LAMC2: variants seen among roughly 807,000 people sequenced by gnomAD.
LAMC2 encodes the protein laminin subunit gamma 2.
A neutral mutation model predicts 140.2 loss-of-function variants in LAMC2; 97 were observed. The observed-to-expected ratio is 0.69, with a 90% CI of 0.59 to 0.82. LAMC2 has a LOEUF of 0.82. LAMC2 is among the 40% of genes least tolerant of loss of function. The pLI, the probability that LAMC2 is intolerant of heterozygous loss-of-function variation, is 0.00. For missense variants in LAMC2, 1,402 were observed against 1,476.1 expected, an observed-to-expected ratio of 0.95 and a Z score of 0.82; for synonymous variants, 513 against 540.2, an observed-to-expected ratio of 0.95 and a Z score of 0.70.
chr1:183,207,057 G>GA (rs1466762497), intron 1 of LAMC2, among the ~76,000 whole-genome samples: 2 of 152,260 alleles, frequency 1.3e-5, no homozygotes, highest in Middle Eastern at 3.4e-3. Flanking sequence ...CTGTATGGAA[G>GA]AAAAAACAAG....
chr1:183,216,395 G>A (rs867208885), intron 3 of LAMC2, among the ~76,000 whole-genome samples: 24 of 152,020 alleles, frequency 1.6e-4, no homozygotes, highest in Admixed American at 5.2e-4. Flanking sequence ...TGTTAGCTCC[G>A]CCTCCCCGCC....
At chr1:183,189,417 C>A (rs1760624) in intron 1 of LAMC2, among the ~76,000 whole-genome samples, 86,730 of 151,984 alleles carry the variant, frequency 0.57, 25,491 homozygotes, top group East Asian at 0.73. Flanking sequence ...TGGAGAAACC[C>A]CACCTCTAGG....
intron 14 of LAMC2, among the ~76,000 whole-genome samples, chr1:183,233,687 T>C (rs556694935): frequency 1.7e-3 from 260 of 152,318 alleles, no homozygotes; most frequent in African/African-American, 5.5e-3. Flanking sequence ...TATATTCTAC[T>C]GGACTTTAAA....
chr1:183,216,909 A>G (rs1451125609), intron 3 of LAMC2, among the ~76,000 whole-genome samples: 2 of 152,124 alleles, frequency 1.3e-5, no homozygotes, highest in Non-Finnish European at 2.9e-5. Context: ...TAGGACTCCT[A>G]TGGAATGGGG....
At chr1:183,245,897 C>T (rs1376617417), downstream of LAMC2, among the ~76,000 whole-genome samples, 3 of 152,134 alleles carry the variant, frequency 2.0e-5, no homozygotes, top group Non-Finnish European at 1.5e-5. Context: ...AGGCTGGGCG[C>T]GGTGGCTCAT....
chr1:183,225,765 T>G, intron 8 of LAMC2, 45 bp downstream of exon 8: 1 of 1,312,422 alleles, frequency 7.6e-7, no homozygotes, highest in Non-Finnish European at 1.1e-6. Flanking sequence ...TAGGTGTTAG[T>G]TTAATTTGAT....
At chr1:183,194,500 A>G (rs1004217607) in intron 1 of LAMC2, among the ~76,000 whole-genome samples, 5 of 152,234 alleles carry the variant, frequency 3.3e-5, no homozygotes, top group Non-Finnish European at 7.3e-5. Context: ...AGGATTTAAA[A>G]AGGAAGATTT....
chr1:183,195,334 A>C (rs555240812), intron 1 of LAMC2, among the ~76,000 whole-genome samples: 1 of 152,250 alleles, frequency 6.6e-6, no homozygotes, highest in African/African-American at 2.4e-5. Flanking sequence ...TCGGTGAAAC[A>C]GGTGTCTCCT....
downstream of LAMC2, among the ~76,000 whole-genome samples, chr1:183,245,948 T>G (rs894942462): frequency 1.3e-5 from 2 of 152,136 alleles, no homozygotes; most frequent in South Asian, 4.1e-4. Flanking sequence ...AATGGGCGGA[T>G]CACGAGGTCA....
Position 183,218,468 on chromosome 1 carries a change from C to T in LAMC2, c.483C>T (p.Val161=), listed in dbSNP as rs1129723. ...DAGRCVCKPA[V]TGERCDRCRS... ...GCCGCTGTGTCTGCAAGCCAGCTGT[C>T]ACTGGAGAACGCTGTGATAGGTCTG... Residue 161 remains valine (V), a synonymous_variant, in exon 4 of 23, where the codon GTC becomes GTT. Coordinates refer to ENST00000264144, the MANE Select transcript of LAMC2 (RefSeq NM_005562.3). 0.21 allele frequency: 344,684 copies of T among 1,612,612 alleles called. 41,509 individuals carry two copies. The highest frequency in any genetic ancestry group is 0.39 in the African/African-American group (29,293 of 74,900).
At chr1:183,245,275 G>A (rs1016574681), downstream of LAMC2, among the ~76,000 whole-genome samples, 2 of 152,206 alleles carry the variant, frequency 1.3e-5, no homozygotes, top group Admixed American at 1.3e-4. Flanking sequence ...ATCTTGAATT[G>A]GTCATCTACG....
intron 7 of LAMC2, among the ~76,000 whole-genome samples, chr1:183,224,516 G>A (rs913122749): frequency 1.6e-4 from 24 of 152,238 alleles, no homozygotes; most frequent in Admixed American, 1.3e-3. Context: ...AGTTTGGGTC[G>A]GGTCCTTAAC....
chr1:183,238,340 G>A lies in LAMC2; in HGVS notation c.2788G>A (p.Ala930Thr). ...SDQLLSRANL[A>T]KSRAQEALSM... ...TCAGCTGCTTTCCCGTGCCAATCTT[G>A]CTAAAAGCAGAGCACAAGAAGCACT... The change falls in exon 19 of 23, where the codon GCT (alanine) becomes ACT (threonine). Residue 930 changes from alanine (A) to threonine (T), a missense_variant. Physicochemically the swap from Ala to Thr is moderately conservative, Grantham distance 58. Transcript: ENST00000264144. 1 of 1,614,022 alleles carries A rather than the reference G, an allele frequency of 6.2e-7. No homozygotes were observed. The highest frequency in any genetic ancestry group is 8.5e-7 in the Non-Finnish European group (1 of 1,179,946).
At chr1:183,219,782 C>A (rs921709484) in intron 4 of LAMC2, among the ~76,000 whole-genome samples, 2 of 152,148 alleles carry the variant, frequency 1.3e-5, no homozygotes, top group African/African-American at 4.8e-5. Flanking sequence ...TCACAGCTAC[C>A]CTGCTTTTCT....
intron 4 of LAMC2, among the ~76,000 whole-genome samples, chr1:183,219,693 T>C (rs1205728651): frequency 6.6e-6 from 1 of 152,146 alleles, no homozygotes; most frequent in Non-Finnish European, 1.5e-5. Flanking sequence ...ATAGAAACCA[T>C]AATAATTCTT....
chr1:183,216,415 A>T (rs1473820909), intron 3 of LAMC2, among the ~76,000 whole-genome samples: 1 of 152,072 alleles, frequency 6.6e-6, no homozygotes, highest in Non-Finnish European at 1.5e-5. Flanking sequence ...CCCAATTCAG[A>T]ATGAGATAAA....
rs1571529153 is a variant in LAMC2 at position 183,226,821 on chromosome 1, C to T, written c.1190C>T (p.Ala397Val). The T allele has an allele frequency of 6.2e-7, 1 of 1,614,046 alleles. No individual in the cohort carries two copies. Among genetic ancestry groups the T allele is most frequent in the South Asian group, 1.1e-5 (1 of 91,076 alleles). Residue 397 changes from alanine (A) to valine (V), a missense_variant, in exon 9 of 23, where the codon GCT becomes GTT. Physicochemically the swap from Ala to Val is moderately conservative, Grantham distance 64. This residue lies in a region of LAMC2 where 723 missense variants were observed against 783.3 expected (regional missense o/e 0.92). Coordinates refer to ENST00000264144, the MANE Select transcript of LAMC2 (RefSeq NM_005562.3). ...AAGGGGCAATTCTGCCAGGATTGTGCTTCTGGCTACAAGAGAGATTCAGCG... is the reference window on the plus strand; with the variant it reads ...AAGGGGCAATTCTGCCAGGATTGTGTTTCTGGCTACAAGAGAGATTCAGCG... ...GYKGQFCQDC[A>V]SGYKRDSARL...
chr1:183,216,364 C>G (rs1017595284), intron 3 of LAMC2, among the ~76,000 whole-genome samples: 21 of 152,316 alleles, frequency 1.4e-4, no homozygotes, highest in African/African-American at 4.6e-4. Flanking sequence ...TCCTTTGTAA[C>G]CCTTTTAAAA....
intron 6 of LAMC2, among the ~76,000 whole-genome samples, chr1:183,222,795 A>C (rs1196864877): frequency 2.6e-5 from 4 of 152,224 alleles, no homozygotes; most frequent in African/African-American, 9.6e-5. Flanking sequence ...ATATTTGTGA[A>C]GGCATTCTGT....
Sources: allele counts gnomAD v4.1 joint callset (sites outside exome capture counted in the v4.1 genomes callset), GRCh38; gene constraint gnomAD v4.1.1; regional missense constraint gnomAD v4.1.1; transcripts MANE v1.5; gene names NCBI Gene and HGNC (gene_info 2026-07-23, HGNC 2026-07-21).